NLE1: variants seen among roughly 807,000 people sequenced by gnomAD.
NLE1 encodes notchless homolog 1.
A neutral mutation model predicts 62.8 loss-of-function variants in NLE1; 37 were observed. The ratio of observed to expected loss-of-function variants is 0.59; its 90% confidence interval spans 0.45 to 0.78. The LOEUF (loss-of-function observed/expected upper bound fraction) is 0.78, where lower values mean the gene tolerates loss of function less well. NLE1 is among the 30% of genes least tolerant of loss of function. The pLI is 0.00. For synonymous variants in NLE1, 243 were observed against 253.0 expected (o/e 0.96, Z 0.37); for missense variants, 555 against 637.9 (o/e 0.87, Z 1.40).
At chr17:35,137,235 C>T (rs10153277) in intron 6 of NLE1, 42 bp from the exon 7 acceptor site, 7 of 1,535,482 alleles carry the variant, frequency 4.6e-6, no homozygotes, top group Non-Finnish European at 6.2e-6. Context: ...GACCTGGCAA[C>T]ATCTGTGTGC....
At position 35,129,828 on chromosome 17, in the gene NLE1, A is replaced by C; in HGVS notation, c.*2609T>G. 1 of 1,434,688 alleles carries C rather than the reference A, an allele frequency of 7.0e-7. No individual in the cohort carries two copies. The highest frequency in any genetic ancestry group is 1.5e-5 in the South Asian group (1 of 66,466). 88.9% of individuals were successfully genotyped at this position (1,434,688 alleles called of 1,614,324 possible). On this transcript the variant is annotated 3_prime_UTR_variant, in exon 13 of 13. Transcript: ENST00000442241. ...CAGAATGCATGCTTCTGGGAGGTTTAAGGATTAAGCCACTCTGGGGCCCAC... is the reference window on the plus strand; with the variant it reads ...CAGAATGCATGCTTCTGGGAGGTTTCAGGATTAAGCCACTCTGGGGCCCAC...
At position 35,129,133 on chromosome 17, in the gene NLE1, A is replaced by C; in HGVS notation, c.*3304T>G. Reference sequence around the variant, plus strand: ...TGTGCTATCCAGTTCCTAACAGGCCATGGACTGCTATCAGTTGGTGGCCCA... The same window carrying C: ...TGTGCTATCCAGTTCCTAACAGGCCCTGGACTGCTATCAGTTGGTGGCCCA... On this transcript the variant is annotated 3_prime_UTR_variant, in exon 13 of 13. Coordinates refer to ENST00000442241, the MANE Select transcript of NLE1 (RefSeq NM_018096.5). 1 of 348,540 alleles carries C rather than the reference A, an allele frequency of 2.9e-6. No individual in the cohort carries two copies. The allele number at this position is 348,540 out of a possible 1,614,324, so 21.6% of individuals were successfully genotyped here.
Position 35,142,116 on chromosome 17 carries a change from C to T in NLE1, c.25G>A (p.Ala9Thr), listed in dbSNP as rs2091948099. The T allele has an allele frequency of 6.2e-7, 1 of 1,611,276 alleles. No individual in the cohort carries two copies. Among genetic ancestry groups the T allele is most frequent in the African/African-American group, 1.3e-5 (1 of 75,050 alleles). Residue 9 changes from alanine (A) to threonine (T), a missense_variant, in exon 2 of 13, where the codon GCG becomes ACG. Transcript: ENST00000442241. MAAAVPDE[A>T]VARDVQRLLV... ...AACCGCTGCACATCGCGCGCCACCG[C>T]CTCGTCCTGCGCGAGCAAGTGGGGC...
chr17:35,137,880 G>A lies in NLE1; in HGVS notation c.471C>T (p.His157=). ...GAGACCAGGATATACTAAGGACCCAGTGTCTGTGTCCTAAGAAAGCAGAGG... is the reference window on the plus strand; with the variant it reads ...GAGACCAGGATATACTAAGGACCCAATGTCTGTGTCCTAAGAAAGCAGAGG... ...TPHFTCKGHR[H]WVLSISWSPD... is the part of the protein sequence containing the mutation. Residue 157 remains histidine (H), a synonymous_variant, in exon 5 of 13, where the codon CAC becomes CAT. Coordinates refer to ENST00000442241, the MANE Select transcript of NLE1 (RefSeq NM_018096.5). The A allele has an allele frequency of 1.9e-6, 3 of 1,613,064 alleles. No individual in the cohort carries two copies. The highest frequency in any genetic ancestry group is 1.7e-5 in the Admixed American group (1 of 60,024).
chr17:35,133,155 CT>C lies in NLE1; in HGVS notation c.1445+15del. ...GGAGGGCTGTGTATGCCAACCACCA[CT>C]TCCCCCACACTCACATCCGGAGGCA... On this transcript the variant is annotated intron_variant, in intron 12 of 12. Coordinates refer to ENST00000442241, the MANE Select transcript of NLE1 (RefSeq NM_018096.5). The C allele has an allele frequency of 6.2e-7, 1 of 1,613,364 alleles. No individual in the cohort carries two copies. Among genetic ancestry groups the C allele is most frequent in the East Asian group, 2.2e-5 (1 of 44,878 alleles).
chr17:35,142,277 C>A lies in NLE1; in HGVS notation c.-2G>T. 6.5e-7 allele frequency: 1 copy of A among 1,542,000 alleles called. No homozygotes were observed. ...ACCCACCGGCACTGCTGCCGCCATC[C>A]TGCGTCCCCACGTGGAGGAGAAAGA... On this transcript the variant is annotated 5_prime_UTR_variant, in exon 1 of 13. It adds an upstream start codon to the 5' untranslated region. Coordinates refer to ENST00000442241, the MANE Select transcript of NLE1 (RefSeq NM_018096.5).
At chr17:35,133,534 G>T in intron 10 of NLE1, 36 bp from the exon 11 acceptor site, 2 of 1,575,502 alleles carry the variant, frequency 1.3e-6, no homozygotes, top group Non-Finnish European at 8.6e-7. Flanking sequence ...ATTTTAGTCT[G>T]AGTTACATCT....
At chr17:35,133,094 G>A in intron 12 of NLE1, 77 bp downstream of exon 12, 1 of 1,381,140 alleles carries the variant, frequency 7.2e-7, no homozygotes, top group African/African-American at 1.4e-5. Context: ...ATTCTATGCT[G>A]TAAGGGAAAG....
At chr17:35,141,368 A>G (rs2091942559) in intron 2 of NLE1, among the ~76,000 whole-genome samples, 1 of 152,146 alleles carries the variant, frequency 6.6e-6, no homozygotes, top group South Asian at 2.1e-4. Context: ...CAACGTGGTG[A>G]AACCCAGTCC....
rs369729155 is a variant in NLE1, at chr17:35,136,095, G to A, written c.1011+74C>T. 1.8e-5 allele frequency: 27 copies of A among 1,463,536 alleles called. No homozygotes were observed. In the African/African-American group the frequency reaches 3.8e-4, roughly 20 times the overall value. 90.7% of individuals were successfully genotyped at this position (1,463,536 alleles called of 1,614,324 possible). A position where few individuals can be genotyped will look rare whatever the true frequency, so the allele number is the denominator to read the frequency against. On this transcript the variant is annotated intron_variant, in intron 9 of 12. Transcript: ENST00000442241. ...CTGAGCTGGGTCTAGAAGGGAGAAG[G>A]GTCTGAGAGGGTTTTAGTGATTGGC...
Position 35,137,205 on chromosome 17 carries a change from G to A in NLE1, c.636-12C>T. ...GGCACTCAGGGTTCCTGGAGAGAAG[G>A]GAGATGTGACCTCATCTGTGACCTG... On this transcript the variant is annotated splice_polypyrimidine_tract_variant and intron_variant, in intron 6 of 12. Transcript: ENST00000442241. The A allele has an allele frequency of 1.9e-6, 3 of 1,597,212 alleles. No homozygotes were observed. The highest frequency in any genetic ancestry group is 1.7e-6 in the Non-Finnish European group (2 of 1,168,122).
At position 35,130,405 on chromosome 17, in the gene NLE1, G is replaced by A; in HGVS notation, c.*2032C>T. 6.2e-7 allele frequency: 1 copy of A among 1,614,084 alleles called. No individual in the cohort carries two copies. The highest frequency in any genetic ancestry group is 8.5e-7 in the Non-Finnish European group (1 of 1,179,994). On this transcript the variant is annotated 3_prime_UTR_variant, in exon 13 of 13. Transcript: ENST00000442241. The stretch of plus-strand genomic sequence containing the variant: ...CGGGCCGGAGGAGATGCGGAGGCTG[G>A]AGGATCTGGAATACCTATTTCCCTG...
chr17:35,141,333 G>A (rs929912103), intron 2 of NLE1, among the ~76,000 whole-genome samples: 13 of 152,174 alleles, frequency 8.5e-5, no homozygotes, highest in African/African-American at 2.9e-4. Flanking sequence ...GGATCACGAG[G>A]TCAAGAGATC....
chr17:35,139,580 G>A (rs1310994802), intron 3 of NLE1, among the ~76,000 whole-genome samples: 2 of 152,302 alleles, frequency 1.3e-5, no homozygotes, highest in Non-Finnish European at 2.9e-5. Context: ...AAATTAACTC[G>A]GAAAGGTTAA....
In NLE1 at chr17:35,130,500, G is replaced by C; in HGVS notation, c.*1937C>G. ...CAACCCCAGGCCCTCAGAAACCAGA[G>C]CCATGAGACCTACCATACCACCAGC... On this transcript the variant is annotated 3_prime_UTR_variant, in exon 13 of 13. Transcript: ENST00000442241. The C allele has an allele frequency of 2.0e-6, 3 of 1,529,446 alleles. No homozygotes were observed. The highest frequency in any genetic ancestry group is 2.7e-6 in the Non-Finnish European group (3 of 1,122,952). The allele number at this position is 1,529,446 out of a possible 1,614,324, so 94.7% of individuals were successfully genotyped here.
In NLE1 at chr17:35,135,326, G is replaced by A. The variant is rs1014157130; in HGVS notation, c.1137C>T (p.Leu379=). Residue 379 remains leucine, a synonymous_variant, in exon 10 of 13, where the codon CTC becomes CTT. Coordinates refer to ENST00000442241, the MANE Select transcript of NLE1 (RefSeq NM_018096.5). ...CCACGATGCGGGAGTCAGGAGAGAA[G>A]AGCACCTGGTTGATGAGAGCTTGGT... ...TGHQALINQV[L]FSPDSRIVAS... is the part of the protein sequence containing the mutation. 6.2e-7 allele frequency: 1 copy of A among 1,614,068 alleles called. No individual in the cohort carries two copies. Among genetic ancestry groups the A allele is most frequent in the Non-Finnish European group, 8.5e-7 (1 of 1,180,044 alleles).
chr17:35,136,811 G>A (rs893011380), intron 7 of NLE1, among the ~76,000 whole-genome samples, 190 bp downstream of exon 7: 5 of 152,078 alleles, frequency 3.3e-5, no homozygotes, highest in Non-Finnish European at 7.4e-5. Flanking sequence ...ATCTCATGGG[G>A]ACTCTGCAAT....
chr17:35,133,284 G>A (rs1158174551), intron 11 of NLE1, 43 bp from the exon 12 acceptor site: 3 of 1,614,118 alleles, frequency 1.9e-6, no homozygotes, highest in Admixed American at 1.7e-5. Context: ...GTGAGAGGGA[G>A]ACAGCCAGCC....
chr17:35,137,669 C>T (rs1279968013), intron 5 of NLE1, 29 bp from the exon 6 acceptor site: 2 of 1,585,826 alleles, frequency 1.3e-6, no homozygotes, highest in Non-Finnish European at 1.7e-6. Flanking sequence ...CTGAATAATC[C>T]TCCCCAACAG....
Sources: gnomAD v4.1 joint callset for allele counts (sites outside exome capture counted in the v4.1 genomes callset) on GRCh38, gnomAD v4.1.1 for gene constraint, MANE v1.5 for transcripts, NCBI Gene and HGNC (gene_info 2026-07-23, HGNC 2026-07-21) for gene names.